KCTD8: variants seen among roughly 807,000 people sequenced by gnomAD.
KCTD8 encodes BTB/POZ domain-containing protein KCTD8.
Under a neutral mutation model 31.5 loss-of-function variants are expected in KCTD8, and 27 were observed. That is an observed-to-expected ratio of 0.86 (90% CI 0.63 to 1.18). KCTD8 has a LOEUF of 1.18. KCTD8 is among the 50% of genes most tolerant of loss of function. The pLI is 0.00. For synonymous variants in KCTD8, 290 were observed against 280.0 expected (o/e 1.04, Z -0.36); for missense variants, 658 against 647.7 (o/e 1.02, Z -0.17).
intron 1 of KCTD8, among the ~76,000 whole-genome samples, chr4:44,264,079 T>A (rs1239703049): frequency 6.6e-6 from 1 of 152,148 alleles, no homozygotes; most frequent in African/African-American, 2.4e-5. Context: ...AGCTTCTATC[T>A]CAAGGAATAA....
chr4:44,180,207 A>G (rs1713337242), intron 1 of KCTD8, among the ~76,000 whole-genome samples: 1 of 152,128 alleles, frequency 6.6e-6, no homozygotes, highest in Non-Finnish European at 1.5e-5. Flanking sequence ...AGAAAATATA[A>G]TTGTGTTTTG....
At chr4:44,252,135 G>A (rs569212768) in intron 1 of KCTD8, among the ~76,000 whole-genome samples, 9 of 151,680 alleles carry the variant, frequency 5.9e-5, no homozygotes, top group Admixed American at 1.3e-4. Flanking sequence ...CCTGAGTTAC[G>A]TCACTTAGAA....
intron 1 of KCTD8, among the ~76,000 whole-genome samples, chr4:44,374,787 A>T (rs1437557784): frequency 6.6e-6 from 1 of 152,144 alleles, no homozygotes; most frequent in Admixed American, 6.6e-5. Context: ...CGTGTGGTTC[A>T]TGCTCCCCCA....
At chr4:44,421,284 TTC>T (rs1199386275) in intron 1 of KCTD8, among the ~76,000 whole-genome samples, 1 of 152,150 alleles carries the variant, frequency 6.6e-6, no homozygotes, top group Non-Finnish European at 1.5e-5. Flanking sequence ...ATCATTTTCT[TTC>T]TGTTTCCTAC....
intron 1 of KCTD8, among the ~76,000 whole-genome samples, chr4:44,422,367 G>A (rs373284139): frequency 3.3e-5 from 5 of 151,922 alleles, no homozygotes; most frequent in Non-Finnish European, 7.4e-5. Flanking sequence ...TGTGTAAATG[G>A]GAAGGAGGAA....
chr4:44,231,782 G>GTC (rs147754953), intron 1 of KCTD8, among the ~76,000 whole-genome samples: 77 of 150,248 alleles, frequency 5.1e-4, no homozygotes, highest in Middle Eastern at 6.9e-3. Flanking sequence ...ATCTCACTGT[G>GTC]TCTCTCTCTC....
At position 44,306,369 on chromosome 4, in the gene KCTD8, A is replaced by T. The variant is rs188429469; in HGVS notation, c.962-131119T>A. On this transcript the variant is annotated intron_variant, in intron 1 of 1. Coordinates refer to ENST00000360029, the MANE Select transcript of KCTD8 (RefSeq NM_198353.3). ...CTCACTTCATGTTAAATGACTTAAC[A>T]AAGTTCACATGGTTAGTAAGGTGGA... Among the ~76,000 whole-genome samples the T allele has an allele frequency of 1.7e-3, 256 of 152,120 alleles. 1 individual carries two copies. Among genetic ancestry groups the T allele is most frequent in the African/African-American group, 5.6e-3 (232 of 41,532 alleles).
intron 1 of KCTD8, among the ~76,000 whole-genome samples, chr4:44,201,886 T>A (rs1374661719): frequency 6.6e-6 from 1 of 152,088 alleles, no homozygotes; most frequent in Admixed American, 6.6e-5. Flanking sequence ...ACTCACAAAC[T>A]ATGCATCTGA....
At chr4:44,237,932 C>A (rs1464134504) in intron 1 of KCTD8, among the ~76,000 whole-genome samples, 3 of 152,126 alleles carry the variant, frequency 2.0e-5, no homozygotes. Flanking sequence ...ATACCCAAAT[C>A]TGCTCCTGTC....
chr4:44,429,426 A>G (rs759255913), intron 1 of KCTD8, among the ~76,000 whole-genome samples: 9 of 151,792 alleles, frequency 5.9e-5, no homozygotes, highest in Admixed American at 1.3e-4. Flanking sequence ...GGAAAGAAGT[A>G]CCTACTGGAT....
At chr4:44,351,470 A>C (rs1311945861) in intron 1 of KCTD8, among the ~76,000 whole-genome samples, 2 of 152,146 alleles carry the variant, frequency 1.3e-5, no homozygotes, top group Non-Finnish European at 2.9e-5. Context: ...TCTTCAGAAA[A>C]ACAAATAACA....
chr4:44,372,168 T>C (rs973287524), intron 1 of KCTD8, among the ~76,000 whole-genome samples: 1 of 152,196 alleles, frequency 6.6e-6, no homozygotes, highest in African/African-American at 2.4e-5. Context: ...CAGACTGATG[T>C]AATACAGTCC....
At chr4:44,242,094 A>G (rs906397148) in intron 1 of KCTD8, among the ~76,000 whole-genome samples, 1 of 152,218 alleles carries the variant, frequency 6.6e-6, no homozygotes, top group Non-Finnish European at 1.5e-5. Flanking sequence ...AAAAATCTGG[A>G]AAGTGAAAGG....
intron 1 of KCTD8, among the ~76,000 whole-genome samples, chr4:44,230,235 T>C (rs1715084236): frequency 6.6e-6 from 1 of 152,180 alleles, no homozygotes; most frequent in African/African-American, 2.4e-5. Context: ...AAATATTTGA[T>C]ATTATTATTT....
chr4:44,208,824 T>C (rs984454879), intron 1 of KCTD8, among the ~76,000 whole-genome samples: 6 of 152,110 alleles, frequency 3.9e-5, no homozygotes, highest in African/African-American at 1.4e-4. Flanking sequence ...CTAGAGAGGA[T>C]ATGTTTATGT....
intron 1 of KCTD8, among the ~76,000 whole-genome samples, chr4:44,217,419 G>A (rs2109346306): frequency 6.6e-6 from 1 of 152,222 alleles, no homozygotes; most frequent in South Asian, 2.1e-4. Context: ...AGAAACATTA[G>A]CACTCCACAC....
Position 44,448,173 on chromosome 4 carries a change from T to G in KCTD8, c.351A>C (p.Gln117His), listed in dbSNP as rs370011280. 1 of 1,611,950 alleles carries G rather than the reference T, an allele frequency of 6.2e-7. No homozygotes were observed. Among genetic ancestry groups the G allele is most frequent in the South Asian group, 1.1e-5 (1 of 90,984 alleles). ...CGGGGAAGTGCTCCGGCAGCGCGAG[T>G]TGCTTGTCCCGCAGATAATCCAGCA... is the stretch of plus-strand genomic sequence containing the variant. ...RYVLDYLRDK[Q>H]LALPEHFPEK... The change falls in exon 1 of 2, where the codon CAA becomes CAC. Residue 117 changes from glutamine (Q) to histidine (H), a missense_variant. Transcript: ENST00000360029. The surrounding 1 kb of genome is among the most constrained non-coding windows in gnomAD (Gnocchi z 4.1).
intron 1 of KCTD8, among the ~76,000 whole-genome samples, chr4:44,181,551 A>C (rs1713404707): frequency 6.6e-6 from 1 of 152,052 alleles, no homozygotes; most frequent in Non-Finnish European, 1.5e-5. Context: ...CTCAGTGCTC[A>C]ATGTTGCCCA....
chr4:44,298,478 C>A (rs1335805108), intron 1 of KCTD8, among the ~76,000 whole-genome samples: 1 of 151,102 alleles, frequency 6.6e-6, no homozygotes, highest in South Asian at 2.1e-4. Context: ...GAGAAGAAAG[C>A]ACCATCACCA....
Sources: allele counts gnomAD v4.1 joint callset (sites outside exome capture counted in the v4.1 genomes callset), GRCh38; gene constraint gnomAD v4.1.1; non-coding constraint Gnocchi (gnomAD v3.1); transcripts MANE v1.5; gene names NCBI Gene and HGNC (gene_info 2026-07-23, HGNC 2026-07-21).